PCDHA6: variants seen among roughly 807,000 people sequenced by gnomAD.
PCDHA6 encodes the protein protocadherin alpha-6.
Under a neutral mutation model 60.3 loss-of-function variants are expected in PCDHA6, and 55 were observed. That is an observed-to-expected ratio of 0.91 (90% CI 0.73 to 1.14). The LOEUF (loss-of-function observed/expected upper bound fraction) is 1.14, where lower values mean the gene tolerates loss of function less well. PCDHA6 is among the 50% of genes most tolerant of loss of function. The pLI is 0.00. For missense variants in PCDHA6, 1,327 were observed against 1,256.5 expected (o/e 1.06, Z -0.85); for synonymous variants, 652 against 557.9 (o/e 1.17, Z -2.38).
At chr5:140,886,871 T>C (rs1045804511) in intron 1 of PCDHA6, among the ~76,000 whole-genome samples, 1 of 151,744 alleles carries the variant, frequency 6.6e-6, no homozygotes, top group Non-Finnish European at 1.5e-5. Flanking sequence ...AACTCCTATA[T>C]TGAACATTCA....
At chr5:140,877,926 G>T (rs1554170225) in intron 1 of PCDHA6, 1 of 1,415,760 alleles carries the variant, frequency 7.1e-7, no homozygotes, top group East Asian at 2.5e-5. Flanking sequence ...TTTTCTTTAT[G>T]ATTCTATCCT....
At chr5:140,859,390 C>G (rs911308831) in intron 1 of PCDHA6, 1 of 268,000 alleles carries the variant, frequency 3.7e-6, no homozygotes, top group Non-Finnish European at 6.7e-6. Flanking sequence ...CTCTAGTCAT[C>G]TTAAACAGGG....
chr5:140,850,103 C>A lies in PCDHA6; in HGVS notation c.2394+19618C>A, dbSNP rs2150467019. On this transcript the variant is annotated intron_variant, in intron 1 of 3. Transcript: ENST00000529310. Reference sequence around the variant, plus strand: ...TGGAGCTGCTACAGTTCCAGGTGAGCGCGCGCGACGCGGGCGTGCCGCCTC... The same window carrying A: ...TGGAGCTGCTACAGTTCCAGGTGAGAGCGCGCGACGCGGGCGTGCCGCCTC... The A allele has an allele frequency of 1.7e-5, 27 of 1,595,988 alleles. 3 individuals are homozygous for A. The highest frequency in any genetic ancestry group is 2.2e-5 in the East Asian group (1 of 44,852).
intron 1 of PCDHA6, chr5:140,927,762 T>A (rs781993567): frequency 1.8e-5 from 29 of 1,613,934 alleles, no homozygotes; most frequent in Non-Finnish European, 2.4e-5. Context: ...ACCCTAAAAG[T>A]GGGGAGGTGC....
intron 1 of PCDHA6, chr5:140,966,679 G>C (rs1554228549): frequency 8.3e-6 from 11 of 1,317,564 alleles, no homozygotes; most frequent in East Asian, 3.0e-5. Context: ...AGGGTGGCAC[G>C]AGCGGAGGCG....
In PCDHA6 at chr5:140,876,868, G is replaced by C. The variant is rs563777938; in HGVS notation, c.2394+46383G>C. On this transcript the variant is annotated intron_variant, in intron 1 of 3. Coordinates refer to ENST00000529310, the MANE Select transcript of PCDHA6 (RefSeq NM_018909.4). ...GCCCGAGTACACAGTGTTCGTGAAG[G>C]AGAACAACCCGCCGGGCTGCCACAT... is the stretch of plus-strand genomic sequence containing the variant. 6 of 1,614,160 alleles carry C rather than the reference G, an allele frequency of 3.7e-6. No homozygotes were observed. In the East Asian group the frequency reaches 1.3e-4, roughly 36 times the overall value.
intron 1 of PCDHA6, chr5:140,884,324 G>T (rs782624216): frequency 1.2e-6 from 2 of 1,613,840 alleles, no homozygotes; most frequent in Non-Finnish European, 1.7e-6. Context: ...GTCGGCAGGC[G>T]CTGTGGGTCC....
intron 1 of PCDHA6, among the ~76,000 whole-genome samples, chr5:140,963,380 G>A (rs1476855902): frequency 6.6e-6 from 1 of 152,198 alleles, no homozygotes; most frequent in Non-Finnish European, 1.5e-5. Context: ...GAGCACCTCT[G>A]TGCCAAGCTC....
intron 1 of PCDHA6, among the ~76,000 whole-genome samples, chr5:140,902,728 C>T (rs1280424808): frequency 6.6e-6 from 1 of 151,858 alleles, no homozygotes; most frequent in Non-Finnish European, 1.5e-5. Flanking sequence ...ACCCTTCCCT[C>T]CAAGTCCCCC....
intron 1 of PCDHA6, among the ~76,000 whole-genome samples, chr5:140,890,189 G>C (rs1262049301): frequency 1.3e-5 from 2 of 152,102 alleles, no homozygotes; most frequent in Non-Finnish European, 2.9e-5. Context: ...CTACAAAACA[G>C]AGTTTTTTGT....
chr5:140,856,947 A>T (rs1486886568), intron 1 of PCDHA6: 1 of 1,592,258 alleles, frequency 6.3e-7, no homozygotes. Flanking sequence ...AGGACGGGAG[A>T]AATAAAAGTA....
At chr5:140,848,730 C>A (rs2150418805) in intron 1 of PCDHA6, 1 of 1,592,792 alleles carries the variant, frequency 6.3e-7, no homozygotes, top group Non-Finnish European at 8.6e-7. Context: ...GGAGGTAAAT[C>A]TGCAGAATGG....
chr5:140,845,092 C>G (rs145327720), intron 1 of PCDHA6, among the ~76,000 whole-genome samples: 1 of 149,560 alleles, frequency 6.7e-6, no homozygotes, highest in South Asian at 2.1e-4. Flanking sequence ...GTTTATTTTA[C>G]AGTTCTCTTA....
At chr5:140,999,524 C>T (rs1367103048) in intron 3 of PCDHA6, among the ~76,000 whole-genome samples, 1 of 152,026 alleles carries the variant, frequency 6.6e-6, no homozygotes, top group Non-Finnish European at 1.5e-5. Context: ...ATTTTGTTAC[C>T]CCCTGGATAT....
At chr5:140,948,136 T>C (rs2094216707) in intron 1 of PCDHA6, among the ~76,000 whole-genome samples, 1 of 151,776 alleles carries the variant, frequency 6.6e-6, no homozygotes, top group African/African-American at 2.4e-5. Flanking sequence ...ATTACACTAA[T>C]TGATTTTTGA....
rs143144725 is a variant in PCDHA6 at position 140,850,029 on chromosome 5, G to A, written c.2394+19544G>A. Reference sequence around the variant, plus strand: ...GCTGTCGAGCTACGTGTCAGTGCACGCGGAGAGCGGCAAGGTGTACGCGCT... The same window carrying A: ...GCTGTCGAGCTACGTGTCAGTGCACACGGAGAGCGGCAAGGTGTACGCGCT... On this transcript the variant is annotated intron_variant, in intron 1 of 3. Coordinates refer to ENST00000529310, the MANE Select transcript of PCDHA6 (RefSeq NM_018909.4). 1.3e-4 allele frequency: 205 copies of A among 1,596,756 alleles called. 11 individuals carry two copies. In the African/African-American group the frequency reaches 2.2e-3, roughly 17 times the overall value.
rs2150530845 is a variant in PCDHA6, at chr5:140,853,328, T to C, written c.2394+22843T>C. 4.5e-5 allele frequency: 44 copies of C among 984,766 alleles called. 1 individual carries two copies. The highest frequency in any genetic ancestry group is 5.0e-5 in the Non-Finnish European group (41 of 817,224). The allele number at this position is 984,766 out of a possible 1,614,324, so 61.0% of individuals were successfully genotyped here. On this transcript the variant is annotated intron_variant, in intron 1 of 3. Coordinates refer to ENST00000529310, the MANE Select transcript of PCDHA6 (RefSeq NM_018909.4). ...AACACCTTAGTAATAAATTTATCTT[T>C]TGAGGTCATTAGCAAACATGAACTC...
At chr5:140,833,431 G>A (rs1035450581) in intron 1 of PCDHA6, among the ~76,000 whole-genome samples, 12 of 152,150 alleles carry the variant, frequency 7.9e-5, no homozygotes, top group African/African-American at 2.9e-4. Context: ...AGATGGCTGA[G>A]CACTGAAATT....
At chr5:140,843,240 C>T (rs2150355693) in intron 1 of PCDHA6, 1 of 1,595,944 alleles carries the variant, frequency 6.3e-7, no homozygotes, top group Non-Finnish European at 8.6e-7. Context: ...CTGGACGAAG[C>T]GGACTCTCCG....
Sources: gnomAD v4.1 joint callset for allele counts (sites outside exome capture counted in the v4.1 genomes callset) on GRCh38, gnomAD v4.1.1 for gene constraint, MANE v1.5 for transcripts, NCBI Gene and HGNC (gene_info 2026-07-23, HGNC 2026-07-21) for gene names.